SLC26A5: variants seen among roughly 807,000 people sequenced by gnomAD.
The protein encoded by SLC26A5 is solute carrier family 26 member 5.
Under a neutral mutation model 81.0 loss-of-function variants are expected in SLC26A5, and 51 were observed. That is an observed-to-expected ratio of 0.63 (90% CI 0.50 to 0.80). The LOEUF (loss-of-function observed/expected upper bound fraction) is 0.80, where lower values mean the gene tolerates loss of function less well. Ranked by LOEUF, SLC26A5 falls within the 30% of genes least tolerant of loss-of-function variation. The pLI, the probability that SLC26A5 is intolerant of heterozygous loss-of-function variation, is 0.00. For synonymous variants in SLC26A5, 325 were observed against 332.8 expected (o/e 0.98, Z 0.25); for missense variants, 771 against 905.8 (o/e 0.85, Z 1.91).
chr7:103,430,422 A>G (rs1825991382), intron 2 of SLC26A5, among the ~76,000 whole-genome samples: 1 of 152,128 alleles, frequency 6.6e-6, no homozygotes, highest in Non-Finnish European at 1.5e-5. Context: ...CAAGATATAC[A>G]AGCTTTCTGT....
At chr7:103,432,819 T>C (rs1249587248) in intron 2 of SLC26A5, among the ~76,000 whole-genome samples, 1 of 152,106 alleles carries the variant, frequency 6.6e-6, no homozygotes, top group African/African-American at 2.4e-5. Flanking sequence ...AGTCGTGATG[T>C]GTTTTTAGAC....
At chr7:103,360,748 C>G (rs1034379270) in intron 19 of SLC26A5, among the ~76,000 whole-genome samples, 3 of 152,166 alleles carry the variant, frequency 2.0e-5, no homozygotes, top group South Asian at 2.1e-4. Flanking sequence ...CTATTTTATA[C>G]TGTGATGTGC....
intron 8 of SLC26A5, among the ~76,000 whole-genome samples, chr7:103,406,972 C>T (rs573624741): frequency 6.6e-6 from 1 of 152,264 alleles, no homozygotes; most frequent in South Asian, 2.1e-4. Flanking sequence ...ATTTCTTATC[C>T]TTGCCGCTCC....
At chr7:103,371,204 T>C (rs1022874376), downstream of SLC26A5, among the ~76,000 whole-genome samples, 45 of 152,252 alleles carry the variant, frequency 3.0e-4, no homozygotes, top group Non-Finnish European at 8.8e-5. Flanking sequence ...AACAAAAATA[T>C]ATTTTCCCAC....
chr7:103,368,065 C>T (rs775795777), intron 19 of SLC26A5: 1 of 1,587,164 alleles, frequency 6.3e-7, no homozygotes, highest in Non-Finnish European at 8.6e-7. Flanking sequence ...ACCCTGAAGG[C>T]TTTCAAGTGA....
intron 19 of SLC26A5, among the ~76,000 whole-genome samples, chr7:103,354,432 G>A (rs1360188050): frequency 6.7e-6 from 1 of 149,022 alleles, no homozygotes; most frequent in African/African-American, 2.5e-5. Flanking sequence ...GCAATGGCGC[G>A]ATCTTGGTTC....
At chr7:103,419,917 T>C (rs1825207299) in intron 4 of SLC26A5, among the ~76,000 whole-genome samples, 1 of 152,174 alleles carries the variant, frequency 6.6e-6, no homozygotes, top group Non-Finnish European at 1.5e-5. Context: ...TTTTTATATG[T>C]GCTTTTTTCT....
intron 2 of SLC26A5, among the ~76,000 whole-genome samples, chr7:103,431,097 A>G (rs1402118809): frequency 6.6e-6 from 1 of 152,240 alleles, no homozygotes; most frequent in Non-Finnish European, 1.5e-5. Flanking sequence ...TCAGTAATTC[A>G]AAGTGGTGCT....
chr7:103,415,916 A>G (rs1824868416), intron 4 of SLC26A5, among the ~76,000 whole-genome samples: 1 of 151,978 alleles, frequency 6.6e-6, no homozygotes. Context: ...GTCCTATTAG[A>G]TGTATGATGG....
intron 9 of SLC26A5, 70 bp from the exon 10 acceptor site, chr7:103,393,136 A>C (rs1157158622): frequency 1.9e-6 from 3 of 1,582,854 alleles, no homozygotes; most frequent in African/African-American, 2.7e-5. Flanking sequence ...TTGCGACTGC[A>C]GGGAAGCATT....
chr7:103,405,863 A>G (rs1308744975), intron 8 of SLC26A5, among the ~76,000 whole-genome samples: 2 of 152,116 alleles, frequency 1.3e-5, no homozygotes, highest in African/African-American at 2.4e-5. Context: ...CCTTTCTTTC[A>G]GAGATGCCCT....
chr7:103,374,073 A>T, downstream of SLC26A5: 1 of 642,630 alleles, frequency 1.6e-6, no homozygotes, highest in Non-Finnish European at 2.0e-6. Flanking sequence ...TACAAAAACA[A>T]AGAACCACTA....
intron 4 of SLC26A5, among the ~76,000 whole-genome samples, chr7:103,417,612 T>C (rs577069363): frequency 1.6e-4 from 25 of 152,166 alleles, no homozygotes; most frequent in Non-Finnish European, 3.2e-4. Flanking sequence ...GATTCCACAG[T>C]TGATATCTCT....
intron 19 of SLC26A5, chr7:103,366,232 GAT>G: frequency 2.9e-6 from 4 of 1,356,582 alleles, no homozygotes; most frequent in Non-Finnish European, 4.2e-6. Context: ...GATATGTCGT[GAT>G]ATGTTAATCT....
intron 11 of SLC26A5, among the ~76,000 whole-genome samples, chr7:103,391,381 T>C (rs1182281122): frequency 6.6e-6 from 1 of 152,232 alleles, no homozygotes; most frequent in Admixed American, 6.5e-5. Flanking sequence ...CTTTGAAGTT[T>C]ACTGGTAGCC....
At chr7:103,398,767 G>A (rs1270166778) in intron 8 of SLC26A5, among the ~76,000 whole-genome samples, 1 of 152,184 alleles carries the variant, frequency 6.6e-6, no homozygotes, top group Non-Finnish European at 1.5e-5. Context: ...GCCAGGGAAG[G>A]AAGCCAGCCC....
At chr7:103,369,872 A>G (rs966247676), downstream of SLC26A5, among the ~76,000 whole-genome samples, 1 of 152,186 alleles carries the variant, frequency 6.6e-6, no homozygotes, top group African/African-American at 2.4e-5. Flanking sequence ...CGTTTTCATG[A>G]TGCTTCTGAG....
intron 8 of SLC26A5, among the ~76,000 whole-genome samples, chr7:103,403,457 A>G (rs989542754): frequency 2.0e-5 from 3 of 152,094 alleles, no homozygotes; most frequent in Non-Finnish European, 2.9e-5. Context: ...CCTGTCTCAT[A>G]TTGACAGTGG....
At chr7:103,368,086 T>C (rs1033735616) in intron 19 of SLC26A5, 13 of 1,572,256 alleles carry the variant, frequency 8.3e-6, no homozygotes, top group African/African-American at 2.7e-5. Context: ...AAACTTTAAA[T>C]TGGAATCCTA....
Sources: allele counts gnomAD v4.1 joint callset (sites outside exome capture counted in the v4.1 genomes callset), GRCh38; gene constraint gnomAD v4.1.1; transcripts MANE v1.5; gene names NCBI Gene and HGNC (gene_info 2026-07-23, HGNC 2026-07-21).